Variants in NLRP4 observed in about 807,000 individuals in gnomAD.
NLRP4 encodes NACHT, LRR and PYD domains-containing protein 4.
NLRP4 carries 44 observed loss-of-function variants against 84.7 expected under a neutral mutation model. The observed-to-expected ratio is 0.52, with a 90% confidence interval of 0.41 to 0.67. The LOEUF (loss-of-function observed/expected upper bound fraction) is 0.67. Ranked by LOEUF, NLRP4 falls within the 30% of genes least tolerant of loss-of-function variation. The probability of loss-of-function intolerance (pLI) is 0.00; values close to 1 mark genes in which losing one functional copy is unlikely to be tolerated. For missense variants in NLRP4, 1,260 were observed against 1,219.4 expected, an observed-to-expected ratio of 1.03 and a Z score of -0.50; for synonymous variants, 544 against 476.4, an observed-to-expected ratio of 1.14 and a Z score of -1.85.
chr19:55,858,991 A>G lies in NLRP4; in HGVS notation c.1598A>G (p.Gln533Arg). 1.9e-6 allele frequency: 3 copies of G among 1,614,192 alleles called. No homozygotes were observed. Among genetic ancestry groups the G allele is most frequent in the Non-Finnish European group, 1.7e-6 (2 of 1,180,034 alleles). ...CAAGAGATAAAGCAGCAAATTCACC[A>G]GTGCCTGAAGAGCTTAGGGGAGCGT... ...LSQEIKQQIHQCLKSLGERGN... is the reference protein window; with the variant it reads ...LSQEIKQQIHRCLKSLGERGN... The change falls in exon 3 of 10, where the codon CAG becomes CGG. Residue 533 changes from glutamine to arginine, a missense_variant. Physicochemically the swap from Gln to Arg is conservative, Grantham distance 43. Coordinates refer to ENST00000301295, the MANE Select transcript of NLRP4 (RefSeq NM_134444.5). This position sits in a 1 kb window ranked among gnomAD's most constrained non-coding sequence, Gnocchi z 4.2.
In NLRP4 at chr19:55,858,318, G is replaced by T. The variant is rs747781687; in HGVS notation, c.925G>T (p.Val309Leu). 1.9e-6 allele frequency: 3 copies of T among 1,614,148 alleles called. No individual in the cohort carries two copies. The highest frequency in any genetic ancestry group is 1.7e-5 in the Admixed American group (1 of 60,014). The change falls in exon 3 of 10, where the codon GTG becomes TTG. Residue 309 changes from valine to leucine, a missense_variant. Physicochemically the swap from Val to Leu is conservative, Grantham distance 32. This residue lies in a region of NLRP4 where 712 missense variants were observed against 669.2 expected (regional missense o/e 1.06). Transcript: ENST00000301295. This position sits in a 1 kb window ranked among gnomAD's most constrained non-coding sequence, Gnocchi z 4.2. ...PRGFNESDRL[V>L]YFCCFFKDPK... ...GGGATTCAACGAGAGTGATAGGTTA[G>T]TGTATTTCTGCTGTTTCTTCAAAGA...
rs1984502345 is a variant in NLRP4 at position 55,857,756 on chromosome 19, A to G, written c.363A>G (p.Leu121=). 2.5e-6 allele frequency: 4 copies of G among 1,613,824 alleles called. No homozygotes were observed. The highest frequency in any genetic ancestry group is 1.1e-5 in the South Asian group (1 of 91,078). Residue 121 remains leucine, a synonymous_variant, in exon 3 of 10, where the codon CTA becomes CTG. Coordinates refer to ENST00000301295, the MANE Select transcript of NLRP4 (RefSeq NM_134444.5). The stretch of plus-strand genomic sequence containing the variant: ...GCAAGTCTGTCACTGAGATTCACCT[A>G]TACTTTGAGGAGGAAGTCAAGCAAG... ...WSSKSVTEIH[L]YFEEEVKQEE... is the part of the protein sequence containing the mutation.
chr19:55,874,655 A>G (rs1985306019), intron 7 of NLRP4, among the ~76,000 whole-genome samples: 1 of 152,182 alleles, frequency 6.6e-6, no homozygotes, highest in Non-Finnish European at 1.5e-5. Flanking sequence ...TTCATTGGTG[A>G]TTCTTACCAG....
chr19:55,853,905 CTTTCTCTT>C lies in NLRP4; in HGVS notation c.280+1547_280+1554del, dbSNP rs1165045701. On this transcript the variant is annotated intron_variant, in intron 2 of 9. Coordinates refer to ENST00000301295, the MANE Select transcript of NLRP4 (RefSeq NM_134444.5). ...GCTATCTCTTTCTCTCTCTCTCTCT[CTTTCTCTT>C]TCTTTCTCTTTCTCTTTCTCTCTCT... Among the ~76,000 whole-genome samples, 12 of 140,376 alleles carry C rather than the reference CTTTCTCTT, an allele frequency of 8.5e-5. 1 individual carries two copies. The highest frequency in any genetic ancestry group is 2.8e-4 in the African/African-American group (10 of 35,802). The allele number at this position is 140,376 out of a possible 152,430, so 92.1% of individuals were successfully genotyped here.
chr19:55,840,376 G>A (rs427144), intron 1 of NLRP4, among the ~76,000 whole-genome samples: 23,029 of 145,232 alleles, frequency 0.16, 1,965 homozygotes, highest in Middle Eastern at 0.22. Flanking sequence ...GTGTGTGTGT[G>A]TATACATATT....
At chr19:55,867,677 C>T (rs1600237214) in intron 5 of NLRP4, 32 bp from the exon 6 acceptor site, 2 of 1,597,230 alleles carry the variant, frequency 1.3e-6, no homozygotes, top group Non-Finnish European at 1.7e-6. Flanking sequence ...AACTAGAAAC[C>T]AACAGAATGT....
At chr19:55,875,846 T>C (rs1354378049) in intron 7 of NLRP4, among the ~76,000 whole-genome samples, 1 of 149,660 alleles carries the variant, frequency 6.7e-6, no homozygotes, top group African/African-American at 2.5e-5. Context: ...TTGACCAACA[T>C]AGTGAAACCC....
At chr19:55,872,933 A>G (rs1426673064) in intron 7 of NLRP4, among the ~76,000 whole-genome samples, 2 of 152,180 alleles carry the variant, frequency 1.3e-5, no homozygotes, top group Non-Finnish European at 2.9e-5. Context: ...GGAAAGTGAT[A>G]TCTACAAGAA....
At chr19:55,846,480 C>A (rs1983798557) in intron 1 of NLRP4, among the ~76,000 whole-genome samples, 2 of 152,158 alleles carry the variant, frequency 1.3e-5, no homozygotes, top group Non-Finnish European at 2.9e-5. Flanking sequence ...GAGCAAAGCA[C>A]CAGCAATGTT....
intron 2 of NLRP4, among the ~76,000 whole-genome samples, chr19:55,856,566 A>G (rs1443977768): frequency 7.3e-6 from 1 of 136,550 alleles, no homozygotes; most frequent in African/African-American, 2.8e-5. Flanking sequence ...CCCACGTTAG[A>G]GTACAGCAGT....
intron 9 of NLRP4, 149 bp from the exon 10 acceptor site, chr19:55,881,321 C>T (rs551023908): frequency 2.4e-5 from 13 of 531,800 alleles, no homozygotes; most frequent in Admixed American, 1.0e-4. Context: ...ATCAGCATAC[C>T]GCTGCATTTG....
chr19:55,842,961 G>C (rs57309041), intron 1 of NLRP4, among the ~76,000 whole-genome samples: 1 of 151,014 alleles, frequency 6.6e-6, no homozygotes, highest in Non-Finnish European at 1.5e-5. Flanking sequence ...GGGTTTCACC[G>C]TGTTAGCCAG....
chr19:55,871,944 G>T (rs564617609), intron 7 of NLRP4, among the ~76,000 whole-genome samples: 1 of 151,646 alleles, frequency 6.6e-6, no homozygotes, highest in South Asian at 2.1e-4. Flanking sequence ...CTGCCTCCCG[G>T]GTTCACGCCA....
At position 55,852,156 on chromosome 19, in the gene NLRP4, T is replaced by A. The variant is rs765270113; in HGVS notation, c.76T>A (p.Phe26Ile). The change falls in exon 2 of 10, where the codon TTT becomes ATT. Residue 26 changes from phenylalanine (F) to isoleucine (I), a missense_variant. Around this residue, in one of 3 missense-constraint regions of NLRP4, gnomAD observed 712 missense variants for 669.2 expected, o/e 1.06. Transcript: ENST00000301295. The stretch of plus-strand genomic sequence containing the variant: ...GCTCAAAAAGGAGGAGTTCAGGAAA[T>A]TTAAAGAACATCTCAAGCAAATGAC... ...EELKKEEFRK[F>I]KEHLKQMTLQ... 1 of 1,608,410 alleles carries A rather than the reference T, an allele frequency of 6.2e-7. No homozygotes were observed. Among genetic ancestry groups the A allele is most frequent in the African/African-American group, 1.3e-5 (1 of 74,480 alleles).
intron 1 of NLRP4, among the ~76,000 whole-genome samples, chr19:55,849,986 TTTCC>T (rs2123009734): frequency 3.8e-5 from 1 of 26,576 alleles, no homozygotes; most frequent in African/African-American, 6.3e-5. Context: ...TGCGGTGTAA[TTTCC>T]GAGACTGCGG....
At chr19:55,846,540 G>A (rs396189) in intron 1 of NLRP4, among the ~76,000 whole-genome samples, 15,268 of 152,082 alleles carry the variant, frequency 0.1, 894 homozygotes, top group Middle Eastern at 0.14. Context: ...CTGGGCATGC[G>A]TCAAAATTAA....
At chr19:55,848,940 C>G (rs1254538794) in intron 1 of NLRP4, among the ~76,000 whole-genome samples, 1 of 152,160 alleles carries the variant, frequency 6.6e-6, no homozygotes, top group Non-Finnish European at 1.5e-5. Context: ...GTTTGGTCCT[C>G]TCTTGTCTGC....
chr19:55,857,259 A>C lies in NLRP4; in HGVS notation c.281-415A>C, dbSNP rs149312748. On this transcript the variant is annotated intron_variant, in intron 2 of 9. Coordinates refer to ENST00000301295, the MANE Select transcript of NLRP4 (RefSeq NM_134444.5). The stretch of plus-strand genomic sequence containing the variant: ...TGTCAAACTTTACATAGTAGCAATG[A>C]ATGTATATGTGTGTGTGTGTGTCTA... Among the ~76,000 whole-genome samples the C allele has an allele frequency of 4.2e-3, 633 of 151,256 alleles. 3 individuals are homozygous for C. The highest frequency in any genetic ancestry group is 0.014 in the African/African-American group (590 of 41,092).
Position 55,867,894 on chromosome 19 carries a change from G to T in NLRP4, c.2354+18G>T, listed in dbSNP as rs370201941. 71 of 1,611,186 alleles carry T rather than the reference G, an allele frequency of 4.4e-5. No individual in the cohort carries two copies. In the African/African-American group the frequency reaches 7.6e-4, roughly 17 times the overall value. ...TACCTGATGTGAGTGGATGTTGGGGGTGCCTACTGTGGAGGGCCATGGCGG... is the reference window on the plus strand; with the variant it reads ...TACCTGATGTGAGTGGATGTTGGGGTTGCCTACTGTGGAGGGCCATGGCGG... On this transcript the variant is annotated intron_variant, in intron 6 of 9. Transcript: ENST00000301295.
Sources: allele counts gnomAD v4.1 joint callset (sites outside exome capture counted in the v4.1 genomes callset), GRCh38; gene constraint gnomAD v4.1.1; regional missense constraint gnomAD v4.1.1; non-coding constraint Gnocchi (gnomAD v3.1); transcripts MANE v1.5; gene names NCBI Gene and HGNC (gene_info 2026-07-23, HGNC 2026-07-21).